HSPA4L: variants seen among roughly 807,000 people sequenced by gnomAD.
HSPA4L encodes the protein heat shock protein family A (Hsp70) member 4 like, also known as heat shock 70 kDa protein 4L.
A neutral mutation model predicts 100.3 loss-of-function variants in HSPA4L; 48 were observed. That is an observed-to-expected ratio of 0.48 (90% CI 0.38 to 0.61). The LOEUF (loss-of-function observed/expected upper bound fraction) is 0.61. Ranked by LOEUF, HSPA4L falls within the 20% of genes least tolerant of loss-of-function variation. The pLI, the probability that HSPA4L is intolerant of heterozygous loss-of-function variation, is 0.00. For synonymous variants in HSPA4L, 319 were observed against 328.2 expected, an observed-to-expected ratio of 0.97 and a Z score of 0.30; for missense variants, 886 against 988.6, an observed-to-expected ratio of 0.90 and a Z score of 1.39.
In HSPA4L at chr4:127,840,623, T is replaced by C. The variant is rs1451447334; in HGVS notation, c.*7749T>C. ...ATTTTCTATGTAAGTAAATTGCATC[T>C]TTATGCTAGTGAACAAAGTAGCAAT... On this transcript the variant is annotated 3_prime_UTR_variant, in exon 19 of 19. Transcript: ENST00000296464. 1 of 152,240 alleles carries C rather than the reference T, an allele frequency of 6.6e-6. No individual in the cohort carries two copies. The highest frequency in any genetic ancestry group is 2.4e-5 in the African/African-American group (1 of 41,466). 9.4% of individuals were successfully genotyped at this position (152,240 alleles called of 1,614,324 possible).
At position 127,795,836 on chromosome 4, in the gene HSPA4L, C is replaced by T. The variant is rs1267717438; in HGVS notation, c.234C>T (p.Pro78=). ...KKLHGRSFDD[P]IVQTERIRLP... ...TTCATGGGCGATCATTTGATGATCC[C>T]ATTGTGCAAACTGAAAGGATCAGGC... Residue 78 remains proline (P), a synonymous_variant, in exon 3 of 19, where the codon CCC becomes CCT. Transcript: ENST00000296464. 33 of 1,613,574 alleles carry T rather than the reference C, an allele frequency of 2.0e-5. No individual in the cohort carries two copies. The highest frequency in any genetic ancestry group is 2.6e-5 in the Non-Finnish European group (31 of 1,179,630).
At chr4:127,816,047 T>C (rs1417364453) in intron 12 of HSPA4L, among the ~76,000 whole-genome samples, 1 of 151,914 alleles carries the variant, frequency 6.6e-6, no homozygotes, top group Non-Finnish European at 1.5e-5. Context: ...AATGGGGGAA[T>C]AGCAGGAAAA....
chr4:127,824,661 T>C (rs1288135755), intron 16 of HSPA4L, among the ~76,000 whole-genome samples: 1 of 152,160 alleles, frequency 6.6e-6, no homozygotes, highest in Non-Finnish European at 1.5e-5. Context: ...CTGTCTGATG[T>C]TAGGGAGTAA....
chr4:127,821,140 A>G (rs1398019856), intron 14 of HSPA4L, among the ~76,000 whole-genome samples: 1 of 152,136 alleles, frequency 6.6e-6, no homozygotes, highest in Non-Finnish European at 1.5e-5. Flanking sequence ...AGCTGGCATT[A>G]AAAGGTCAGT....
intron 1 of HSPA4L, among the ~76,000 whole-genome samples, chr4:127,783,308 T>G (rs969308099): frequency 4.6e-5 from 7 of 151,782 alleles, no homozygotes; most frequent in African/African-American, 1.7e-4. Context: ...AGGGAGAGCC[T>G]CGGGATGGGA....
intron 12 of HSPA4L, chr4:127,813,234 C>G (rs575246902): frequency 2.1e-6 from 2 of 968,060 alleles, no homozygotes; most frequent in Non-Finnish European, 3.3e-6. Flanking sequence ...CGGTTCCAGC[C>G]GAAAGGCGAT....
At chr4:127,814,250 T>C (rs2148793162) in intron 12 of HSPA4L, among the ~76,000 whole-genome samples, 1 of 152,332 alleles carries the variant, frequency 6.6e-6, no homozygotes, top group South Asian at 2.1e-4. Context: ...CTAGAACATT[T>C]GCAGGCAGTT....
intron 1 of HSPA4L, among the ~76,000 whole-genome samples, chr4:127,792,817 G>A (rs1005570099): frequency 4.6e-5 from 7 of 152,210 alleles, no homozygotes; most frequent in African/African-American, 1.7e-4. Context: ...GTGAGGATAG[G>A]TGTTTCTGAT....
At chr4:127,814,854 C>T (rs1180961956) in intron 12 of HSPA4L, among the ~76,000 whole-genome samples, 1 of 152,110 alleles carries the variant, frequency 6.6e-6, no homozygotes, top group Non-Finnish European at 1.5e-5. Flanking sequence ...CGTGAGCCAC[C>T]GTGCCCGGCC....
chr4:127,814,291 G>A (rs1009315331), intron 12 of HSPA4L, among the ~76,000 whole-genome samples: 3 of 152,144 alleles, frequency 2.0e-5, no homozygotes, highest in Non-Finnish European at 4.4e-5. Flanking sequence ...TTCTAGATAG[G>A]TGATGTGTTC....
At chr4:127,807,440 A>G (rs983823585) in intron 10 of HSPA4L, among the ~76,000 whole-genome samples, 2 of 152,082 alleles carry the variant, frequency 1.3e-5, no homozygotes, top group African/African-American at 4.8e-5. Context: ...GGGGTAAAGC[A>G]CCATAATGTA....
At chr4:127,787,379 A>G (rs1441249427) in intron 1 of HSPA4L, among the ~76,000 whole-genome samples, 1 of 152,106 alleles carries the variant, frequency 6.6e-6, no homozygotes, top group Non-Finnish European at 1.5e-5. Context: ...ATGTTTTACT[A>G]TTTGAGCTTA....
intron 18 of HSPA4L, 111 bp from the exon 19 acceptor site, chr4:127,832,572 T>G: frequency 2.1e-6 from 2 of 960,192 alleles, no homozygotes; most frequent in Non-Finnish European, 3.1e-6. Context: ...CTGAGCAAAT[T>G]CAGAAAGGGG....
intron 12 of HSPA4L, among the ~76,000 whole-genome samples, chr4:127,816,997 CT>C (rs1733686055): frequency 6.6e-6 from 1 of 152,038 alleles, no homozygotes. Flanking sequence ...CTTTTTTCAC[CT>C]ATCTTACCTA....
In HSPA4L at chr4:127,820,555, T is replaced by A; in HGVS notation, c.1802T>A (p.Ile601Asn). The part of the protein sequence containing the change: ...QLGQDLLNSY[I>N]ENEGKMIMQD... ...GGCCAAGATCTTCTCAACAGCTACA[T>A]TGAAAATGAGGTATGTAAATCTGAG... Residue 601 changes from isoleucine (I) to asparagine (N), a missense_variant, in exon 14 of 19, where the codon ATT (isoleucine) becomes AAT (asparagine). Coordinates refer to ENST00000296464, the MANE Select transcript of HSPA4L (RefSeq NM_014278.4). 1 of 1,598,920 alleles carries A rather than the reference T, an allele frequency of 6.3e-7. No individual in the cohort carries two copies. The highest frequency in any genetic ancestry group is 8.5e-7 in the Non-Finnish European group (1 of 1,174,806).
intron 1 of HSPA4L, among the ~76,000 whole-genome samples, chr4:127,785,523 C>T (rs953001470): frequency 1.3e-4 from 19 of 151,820 alleles, no homozygotes; most frequent in Admixed American, 7.2e-4. Flanking sequence ...CTGCAACCTC[C>T]GCCTCCTGGG....
At chr4:127,782,883 A>G (rs1033210092) in intron 1 of HSPA4L, among the ~76,000 whole-genome samples, 3 of 151,964 alleles carry the variant, frequency 2.0e-5, no homozygotes, top group African/African-American at 2.4e-5. Context: ...GGACCGCACT[A>G]GTTTGCGCAG....
intron 1 of HSPA4L, chr4:127,783,383 A>G (rs1222366633): frequency 2.7e-5 from 14 of 511,034 alleles, no homozygotes; most frequent in Non-Finnish European, 3.5e-5. Context: ...GGGTCGGACC[A>G]AAAGCGTGTT....
intron 15 of HSPA4L, 78 bp downstream of exon 15, chr4:127,822,972 T>C (rs1430312433): frequency 2.2e-6 from 3 of 1,381,504 alleles, no homozygotes; most frequent in African/African-American, 2.9e-5. Flanking sequence ...ATTACATAAA[T>C]AAATGTACCA....
Sources: gnomAD v4.1 joint callset for allele counts (sites outside exome capture counted in the v4.1 genomes callset) on GRCh38, gnomAD v4.1.1 for gene constraint, MANE v1.5 for transcripts, NCBI Gene and HGNC (gene_info 2026-07-23, HGNC 2026-07-21) for gene names.